SYTL2: variants seen among roughly 807,000 people sequenced by gnomAD.
The protein encoded by SYTL2 is synaptotagmin like 2.
In SYTL2, 165 loss-of-function variants were observed where a neutral mutation model predicts 198.7. The ratio of observed to expected loss-of-function variants is 0.83; its 90% CI spans 0.73 to 0.94. SYTL2 has a LOEUF of 0.94. Ranked by LOEUF, SYTL2 falls within the 40% of genes least tolerant of loss-of-function variation. The probability of loss-of-function intolerance (pLI) is 0.00; values close to 1 mark genes in which losing one functional copy is unlikely to be tolerated. For missense variants in SYTL2, 2,835 were observed against 2,582.8 expected (o/e 1.10, Z -2.12); for synonymous variants, 966 against 917.7 (o/e 1.05, Z -0.95).
chr11:85,788,938 G>A (rs867526139), intron 1 of SYTL2, among the ~76,000 whole-genome samples: 1 of 150,914 alleles, frequency 6.6e-6, no homozygotes, highest in African/African-American at 2.4e-5. Context: ...TCAAAGCAAC[G>A]GTCTCAAAAA....
chr11:85,703,043 T>C (rs2084587271), intron 16 of SYTL2, among the ~76,000 whole-genome samples: 1 of 152,112 alleles, frequency 6.6e-6, no homozygotes, highest in Admixed American at 6.6e-5. Flanking sequence ...AGAATAGACA[T>C]AGCAGATAAA....
At chr11:85,699,067 C>T (rs1237170103) in intron 17 of SYTL2, among the ~76,000 whole-genome samples, 4 of 152,176 alleles carry the variant, frequency 2.6e-5, no homozygotes, top group South Asian at 2.1e-4. Context: ...ATGCTAGGAA[C>T]ATCATTAGAT....
Position 85,696,394 on chromosome 11 carries a change from A to G in SYTL2, c.6369-6T>C. ...TTGTATCTGGAAGGATGGTACTACA[A>G]AAAGAGGCATGATTGTGGGAGCATT... is the stretch of plus-strand genomic sequence containing the variant. On this transcript the variant is annotated splice_polypyrimidine_tract_variant and splice_region_variant and intron_variant, in intron 18 of 19. Transcript: ENST00000359152. The G allele has an allele frequency of 6.2e-7, 1 of 1,611,802 alleles. No homozygotes were observed. Among genetic ancestry groups the G allele is most frequent in the Non-Finnish European group, 8.5e-7 (1 of 1,177,928 alleles).
At chr11:85,803,833 A>G (rs2092923482) in intron 1 of SYTL2, among the ~76,000 whole-genome samples, 1 of 152,188 alleles carries the variant, frequency 6.6e-6, no homozygotes, top group African/African-American at 2.4e-5. Flanking sequence ...AGTAAAGTGG[A>G]TAATTATCAC....
chr11:85,783,245 G>T (rs2092589329), intron 1 of SYTL2, among the ~76,000 whole-genome samples: 2 of 152,154 alleles, frequency 1.3e-5, no homozygotes, highest in African/African-American at 4.8e-5. Flanking sequence ...GTGGCAGCAA[G>T]GAGAAGTGCC....
At chr11:85,714,253 T>C (rs2086792786) in intron 12 of SYTL2, among the ~76,000 whole-genome samples, 160 bp downstream of exon 12, 1 of 152,240 alleles carries the variant, frequency 6.6e-6, no homozygotes, top group Non-Finnish European at 1.5e-5. Context: ...CTTTCCCTGT[T>C]CCAGGATGAA....
chr11:85,746,656 C>T (rs2091173791), intron 3 of SYTL2, among the ~76,000 whole-genome samples: 1 of 152,132 alleles, frequency 6.6e-6, no homozygotes, highest in African/African-American at 2.4e-5. Flanking sequence ...AGGAGAGTAT[C>T]CCCCCACAGG....
intron 1 of SYTL2, among the ~76,000 whole-genome samples, chr11:85,809,230 G>A (rs1297568984): frequency 1.3e-5 from 2 of 152,186 alleles, no homozygotes; most frequent in Non-Finnish European, 2.9e-5. Flanking sequence ...TAGGGCTAAC[G>A]GGTCAGATGT....
At chr11:85,753,523 A>G (rs2091674851) in intron 2 of SYTL2, among the ~76,000 whole-genome samples, 1 of 152,154 alleles carries the variant, frequency 6.6e-6, no homozygotes, top group Non-Finnish European at 1.5e-5. Flanking sequence ...TCTACCATTA[A>G]CAGACCAAGT....
At chr11:85,710,567 C>G (rs565797391) in intron 13 of SYTL2, among the ~76,000 whole-genome samples, 9 of 152,248 alleles carry the variant, frequency 5.9e-5, no homozygotes, top group Non-Finnish European at 1.0e-4. Context: ...TCACCTTATG[C>G]AAGAAGTTCT....
the SYTL2 span, among the ~76,000 whole-genome samples, chr11:85,847,533 T>C: frequency 6.6e-6 from 1 of 152,236 alleles, no homozygotes; most frequent in African/African-American, 2.4e-5. Context: ...TTTAACCTTA[T>C]AAGAGACTGC....
intron 1 of SYTL2, among the ~76,000 whole-genome samples, chr11:85,793,111 C>T (rs2092755092): frequency 6.6e-6 from 1 of 151,710 alleles, no homozygotes. Context: ...GTCTTTATAG[C>T]AGCATGATTT....
At position 85,724,704 on chromosome 11, in the gene SYTL2, C is replaced by T. The variant is rs770894553; in HGVS notation, c.4654G>A (p.Glu1552Lys). The T allele has an allele frequency of 6.2e-7, 1 of 1,614,082 alleles. No individual in the cohort carries two copies. Among genetic ancestry groups the T allele is most frequent in the Non-Finnish European group, 8.5e-7 (1 of 1,179,992 alleles). ...GTTATTAACGGAGCCTCGGCCTTTT[C>T]TACTGTTTCTTTTAATTCCTCAGGA... ...CHPEELKETVEKAEAPLITES... is the reference protein window; with the variant it reads ...CHPEELKETVKKAEAPLITES... Residue 1552 changes from glutamate (E) to lysine (K), a missense_variant, in exon 8 of 20, where the codon GAA (glutamate) becomes AAA (lysine). Glu to Lys is a moderately conservative substitution (Grantham distance 56). This residue lies in a region of SYTL2 where 2,645 missense variants were observed against 2,381.7 expected (regional missense o/e 1.11). Transcript: ENST00000359152.
At chr11:85,848,334 C>CAAA in the SYTL2 span, among the ~76,000 whole-genome samples, 2 of 150,408 alleles carry the variant, frequency 1.3e-5, no homozygotes, top group African/African-American at 4.9e-5. Flanking sequence ...AGTTCAAGTT[C>CAAA]TTTTTTTCTT....
chr11:85,800,729 C>A (rs989718992), intron 1 of SYTL2, among the ~76,000 whole-genome samples: 1 of 152,192 alleles, frequency 6.6e-6, no homozygotes, highest in African/African-American at 2.4e-5. Flanking sequence ...CTCACTTCCT[C>A]ACACACCAAG....
chr11:85,724,822 G>C lies in SYTL2; in HGVS notation c.4536C>G (p.Phe1512Leu). The change falls in exon 8 of 20, where the codon TTC becomes TTG. Residue 1512 changes from phenylalanine to leucine, a missense_variant. Phe to Leu is a conservative substitution (Grantham distance 22, BLOSUM62 0). Around this residue, in one of 3 missense-constraint regions of SYTL2, gnomAD observed 2,645 missense variants for 2,381.7 expected, o/e 1.11. Coordinates refer to ENST00000359152, the MANE Select transcript of SYTL2 (RefSeq NM_206927.4). ...EKLLKEETET[F>L]PSKYESDTGN... Reference sequence around the variant, plus strand: ...CTGTATCACTTTCATATTTTGAGGGGAAGGTTTCAGTTTCTTCCTTCAGTA... The same window carrying C: ...CTGTATCACTTTCATATTTTGAGGGCAAGGTTTCAGTTTCTTCCTTCAGTA... 6.2e-7 allele frequency: 1 copy of C among 1,613,734 alleles called. No individual in the cohort carries two copies. The highest frequency in any genetic ancestry group is 2.2e-5 in the East Asian group (1 of 44,894).
chr11:85,730,327 T>C (rs80239747), intron 7 of SYTL2, among the ~76,000 whole-genome samples: 1 of 152,102 alleles, frequency 6.6e-6, no homozygotes, highest in Non-Finnish European at 1.5e-5. Flanking sequence ...TGATGAACAT[T>C]GATACCAACA....
intron 1 of SYTL2, among the ~76,000 whole-genome samples, chr11:85,793,523 G>T (rs973837156): frequency 6.6e-6 from 1 of 152,062 alleles, no homozygotes; most frequent in African/African-American, 2.4e-5. Flanking sequence ...CCTGTTCAGG[G>T]ACTTTGAATT....
chr11:85,853,618 C>A, the SYTL2 span: 3 of 149,730 alleles, frequency 2.0e-5, no homozygotes, highest in Admixed American at 1.4e-4. Flanking sequence ...TATGACCCTG[C>A]CAAATCCCCC....
Sources: allele counts gnomAD v4.1 joint callset (sites outside exome capture counted in the v4.1 genomes callset), GRCh38; gene constraint gnomAD v4.1.1; regional missense constraint gnomAD v4.1.1; transcripts MANE v1.5; gene names NCBI Gene and HGNC (gene_info 2026-07-23, HGNC 2026-07-21).